RELT: variants seen among roughly 807,000 people sequenced by gnomAD.
RELT encodes tumor necrosis factor receptor superfamily member 19L.
RELT carries 37 observed loss-of-function variants against 51.1 expected under a neutral mutation model. The ratio of observed to expected loss-of-function variants is 0.72; its 90% CI spans 0.56 to 0.95. The LOEUF is 0.95. Ranked by LOEUF, RELT falls within the 40% of genes least tolerant of loss-of-function variation. The probability of loss-of-function intolerance (pLI) is 0.00; values close to 1 mark genes in which losing one functional copy is unlikely to be tolerated. For synonymous variants in RELT, 241 were observed against 235.7 expected (o/e 1.02, Z -0.21); for missense variants, 535 against 572.6 (o/e 0.93, Z 0.67).
intron 1 of RELT, among the ~76,000 whole-genome samples, chr11:73,387,847 A>T (rs1866149218): frequency 6.6e-6 from 1 of 152,168 alleles, no homozygotes; most frequent in South Asian, 2.1e-4. Flanking sequence ...TTGGAGTCAC[A>T]GCGGGGGCCT....
chr11:73,394,412 GT>G lies in RELT; in HGVS notation c.789-63del. The G allele has an allele frequency of 6.2e-7, 1 of 1,609,280 alleles. No individual in the cohort carries two copies. The highest frequency in any genetic ancestry group is 1.1e-5 in the South Asian group (1 of 90,850). On this transcript the variant is annotated intron_variant, in intron 8 of 10. Coordinates refer to ENST00000064780, the MANE Select transcript of RELT (RefSeq NM_152222.2). This position sits in a 1 kb window ranked among gnomAD's most constrained non-coding sequence, Gnocchi z 4.9. ...ACTTGGGTCTCCCTCAAGTCACCCT[GT>G]TCCCTGCTGGGGTCTCCTGCCCCTG...
In RELT at chr11:73,396,163, C is replaced by T. The variant is rs954273689; in HGVS notation, c.*672C>T. ...CCTCCCATTAGTAGCTTTATCCAGC[C>T]CCGTTTTTGCTGCTTCCAGGGCCTC... On this transcript the variant is annotated 3_prime_UTR_variant, in exon 11 of 11. Transcript: ENST00000064780. 6.5e-6 allele frequency: 1 copy of T among 152,852 alleles called. No individual in the cohort carries two copies. Among genetic ancestry groups the T allele is most frequent in the Non-Finnish European group, 1.5e-5 (1 of 68,192 alleles). 9.5% of individuals were successfully genotyped at this position (152,852 alleles called of 1,614,324 possible). A position where few individuals can be genotyped will look rare whatever the true frequency, so the allele number is the denominator to read the frequency against.
chr11:73,380,161 G>A (rs951569792), intron 1 of RELT, among the ~76,000 whole-genome samples: 3 of 152,166 alleles, frequency 2.0e-5, no homozygotes, highest in African/African-American at 7.2e-5. Flanking sequence ...GGCCAGCGTG[G>A]CCAGTAGCCC....
chr11:73,395,063 A>G, intron 9 of RELT, 24 bp from the exon 10 acceptor site: 3 of 1,594,052 alleles, frequency 1.9e-6, no homozygotes, highest in Non-Finnish European at 2.6e-6. Flanking sequence ...GCTAACGGGG[A>G]TGATTGCCCC....
In RELT at chr11:73,388,577, G is replaced by C. The variant is rs1046693588; in HGVS notation, c.-25-535G>C. 6.6e-6 allele frequency among the ~76,000 whole-genome samples: 1 copy of C among 152,208 alleles called. No individual in the cohort carries two copies. Among genetic ancestry groups the C allele is most frequent in the Non-Finnish European group, 1.5e-5 (1 of 68,040 alleles). On this transcript the variant is annotated intron_variant, in intron 1 of 10. Transcript: ENST00000064780. The surrounding 1 kb of genome is among the most constrained non-coding windows in gnomAD (Gnocchi z 4.1). ...GAAGCTTCTGGAAAGAGAGGCCTTC[G>C]TGTTGAGCTTTGAAGGGTAAAGGAA...
intron 1 of RELT, among the ~76,000 whole-genome samples, chr11:73,382,104 AC>A (rs1164387104): frequency 2.0e-5 from 3 of 152,072 alleles, no homozygotes; most frequent in African/African-American, 7.2e-5. Context: ...CAGAGTCTGA[AC>A]CCTGGTGGGT....
chr11:73,386,963 T>A (rs1384428940), intron 1 of RELT, among the ~76,000 whole-genome samples: 4 of 151,064 alleles, frequency 2.6e-5, no homozygotes, highest in Non-Finnish European at 5.9e-5. Flanking sequence ...TTTTTTTTTT[T>A]GAGATGGAGT....
rs1391854535 is a variant in RELT, at chr11:73,376,470, G to A, written c.-55G>A. 6.6e-6 allele frequency: 1 copy of A among 151,982 alleles called. No homozygotes were observed. Among genetic ancestry groups the A allele is most frequent in the Non-Finnish European group, 1.5e-5 (1 of 67,970 alleles). 9.4% of individuals were successfully genotyped at this position (151,982 alleles called of 1,614,324 possible). On this transcript the variant is annotated 5_prime_UTR_variant, in exon 1 of 11. Transcript: ENST00000064780. ...GCCGCGGCGCCGAGTCGAACGGGGA[G>A]CCGAGCTGGAGCTGCCGCGGCGCAG...
rs1372083901 is a variant in RELT, at chr11:73,393,931, C to G, written c.706+14C>G. ...CAGAGAAGAAAGGTGAGGAGAAGGT[C>G]TGACCCCATCCCAGTGCCCAGGAGA... On this transcript the variant is annotated intron_variant, in intron 7 of 10. Coordinates refer to ENST00000064780, the MANE Select transcript of RELT (RefSeq NM_152222.2). 2 of 1,611,998 alleles carry G rather than the reference C, an allele frequency of 1.2e-6. No individual in the cohort carries two copies. The highest frequency in any genetic ancestry group is 1.7e-6 in the Non-Finnish European group (2 of 1,178,226).
chr11:73,391,162 G>C lies in RELT; in HGVS notation c.306G>C (p.Gly102=). The change falls in exon 5 of 11, where the codon GGG becomes GGC. Residue 102 remains glycine (G), a synonymous_variant. Transcript: ENST00000064780. ...DCWPGWFGPW[G]VPRVPCQPCS... ...CTCGCAGGTGGTTTGGGCCTTGGGGGGTTCCCCGCGTTCCATGTCAACCAT... is the reference window on the plus strand; with the variant it reads ...CTCGCAGGTGGTTTGGGCCTTGGGGCGTTCCCCGCGTTCCATGTCAACCAT... 6.2e-7 allele frequency: 1 copy of C among 1,613,868 alleles called. No homozygotes were observed. The highest frequency in any genetic ancestry group is 8.5e-7 in the Non-Finnish European group (1 of 1,179,910).
At chr11:73,382,861 C>T (rs925864955) in intron 1 of RELT, among the ~76,000 whole-genome samples, 3 of 152,318 alleles carry the variant, frequency 2.0e-5, no homozygotes, top group Admixed American at 6.5e-5. Flanking sequence ...GCCCCAGACT[C>T]GGCCCAGGAA....
In RELT at chr11:73,388,944, C is replaced by A. The variant is rs556195356; in HGVS notation, c.-25-168C>A. On this transcript the variant is annotated intron_variant, in intron 1 of 10. Coordinates refer to ENST00000064780, the MANE Select transcript of RELT (RefSeq NM_152222.2). This position sits in a 1 kb window ranked among gnomAD's most constrained non-coding sequence, Gnocchi z 4.1. The stretch of plus-strand genomic sequence containing the variant: ...CTCCCAGGCAGGGCAGCCCCCTCTG[C>A]TTGGGCCTGTGCTTGCGGGTGTGGA... Among the ~76,000 whole-genome samples, 1 of 152,204 alleles carries A rather than the reference C, an allele frequency of 6.6e-6. No individual in the cohort carries two copies. The highest frequency in any genetic ancestry group is 1.5e-5 in the Non-Finnish European group (1 of 68,024).
Position 73,388,835 on chromosome 11 carries a change from A to G in RELT, c.-25-277A>G, listed in dbSNP as rs1313340092. ...GCACCTGGCAGTTTAAGGAAGGGGAAGGAAGCCCTTCCTCCTCTGGGAAGC... is the reference window on the plus strand; with the variant it reads ...GCACCTGGCAGTTTAAGGAAGGGGAGGGAAGCCCTTCCTCCTCTGGGAAGC... On this transcript the variant is annotated intron_variant, in intron 1 of 10. Coordinates refer to ENST00000064780, the MANE Select transcript of RELT (RefSeq NM_152222.2). This position sits in a 1 kb window ranked among gnomAD's most constrained non-coding sequence, Gnocchi z 4.1. Among the ~76,000 whole-genome samples, 1 of 152,194 alleles carries G rather than the reference A, an allele frequency of 6.6e-6. No individual in the cohort carries two copies.
At chr11:73,384,130 C>T (rs1364865874) in intron 1 of RELT, among the ~76,000 whole-genome samples, 3 of 152,180 alleles carry the variant, frequency 2.0e-5, no homozygotes, top group East Asian at 1.9e-4. Flanking sequence ...TCCCCCAGTG[C>T]GGCCTCTCTT....
Position 73,390,936 on chromosome 11 carries a change from G to T in RELT, c.287+15G>T, listed in dbSNP as rs767078652. 4 of 1,607,432 alleles carry T rather than the reference G, an allele frequency of 2.5e-6. No homozygotes were observed. The East Asian group carries it at 6.7e-5, about 27-fold the overall frequency. ...TGCTGGCCTGGGTAAGCCAAAGGGA[G>T]TGCGGGGAGGGCTCCTGGCTGGGTG... is the stretch of plus-strand genomic sequence containing the variant. On this transcript the variant is annotated intron_variant, in intron 4 of 10. Transcript: ENST00000064780.
chr11:73,394,384 C>T lies in RELT; in HGVS notation c.788+67C>T. ...TAACCAGCCTGCCTCCTGGGGATCT[C>T]CCACTTGGGTCTCCCTCAAGTCACC... is the stretch of plus-strand genomic sequence containing the variant. On this transcript the variant is annotated intron_variant, in intron 8 of 10. Transcript: ENST00000064780. The surrounding 1 kb of genome is among the most constrained non-coding windows in gnomAD (Gnocchi z 4.9). 2 of 1,609,154 alleles carry T rather than the reference C, an allele frequency of 1.2e-6. No individual in the cohort carries two copies. The highest frequency in any genetic ancestry group is 1.1e-5 in the South Asian group (1 of 90,860).
intron 4 of RELT, 86 bp downstream of exon 4, chr11:73,391,007 C>A: frequency 6.5e-7 from 1 of 1,548,330 alleles, no homozygotes; most frequent in Non-Finnish European, 8.8e-7. Context: ...GTACCCTGAG[C>A]AGGCCTCATT....
chr11:73,392,977 C>A, intron 6 of RELT: 1 of 1,004,096 alleles, frequency 1.0e-6, no homozygotes, highest in South Asian at 4.2e-5. Flanking sequence ...ACCTTCACCC[C>A]CAGGGCCCCG....
Position 73,393,886 on chromosome 11 carries a change from G to A in RELT, c.675G>A (p.Gly225=), listed in dbSNP as rs770465399. The part of the protein sequence containing the change: ...RTEDANEDTI[G]VLVRLITEKK... ...AGGATGCCAATGAGGACACCATTGG[G>A]GTCCTGGTGCGCTTGATCACAGAGA... Residue 225 remains glycine, a synonymous_variant, in exon 7 of 11, where the codon GGG becomes GGA. Transcript: ENST00000064780. 1.9e-6 allele frequency: 3 copies of A among 1,613,904 alleles called. No homozygotes were observed. The highest frequency in any genetic ancestry group is 2.5e-6 in the Non-Finnish European group (3 of 1,179,842).
Sources: gnomAD v4.1 joint callset for allele counts (sites outside exome capture counted in the v4.1 genomes callset) on GRCh38, gnomAD v4.1.1 for gene constraint, Gnocchi (gnomAD v3.1) non-coding constraint, MANE v1.5 for transcripts, NCBI Gene and HGNC (gene_info 2026-07-23, HGNC 2026-07-21) for gene names.